NBAS: variants seen among roughly 807,000 people sequenced by gnomAD.
The protein encoded by NBAS is NAG/BC035112 fusion.
In NBAS, 219 loss-of-function variants were observed where a neutral mutation model predicts 302.5. The ratio of observed to expected loss-of-function variants is 0.72; its 90% confidence interval spans 0.65 to 0.81. NBAS has a LOEUF of 0.81. NBAS is among the 30% of genes least tolerant of loss of function. The pLI is 0.00. For missense variants in NBAS, 2,932 were observed against 2,841.6 expected (o/e 1.03, Z -0.72); for synonymous variants, 1,118 against 1,021.6 (o/e 1.09, Z -1.80).
chr2:15,057,416 T>C, the NBAS span, among the ~76,000 whole-genome samples: 1 of 151,764 alleles, frequency 6.6e-6, no homozygotes, highest in Non-Finnish European at 1.5e-5. Context: ...GTTCCAAGTT[T>C]ATTCTAGGCA....
intron 6 of NBAS, among the ~76,000 whole-genome samples, chr2:15,541,363 G>A (rs562894014): frequency 6.6e-6 from 1 of 152,208 alleles, no homozygotes; most frequent in South Asian, 2.1e-4. Context: ...AACAGGGCAA[G>A]GTAATGGTAA....
Position 15,507,652 on chromosome 2 carries a change from T to C in NBAS, c.886-3439A>G, listed in dbSNP as rs150079076. ...CTTCTGACTCCACAGCCTGGGTCCT[T>C]CCTTTGTCCCAGCTACTGAATTCTA... On this transcript the variant is annotated intron_variant, in intron 10 of 51. Transcript: ENST00000281513. Among the ~76,000 whole-genome samples the C allele has an allele frequency of 6.7e-3, 1,021 of 152,292 alleles. 8 individuals are homozygous for C. Among genetic ancestry groups the C allele is most frequent in the African/African-American group, 0.022 (902 of 41,568 alleles).
intron 25 of NBAS, among the ~76,000 whole-genome samples, chr2:15,413,452 A>G (rs1676778211): frequency 6.6e-6 from 1 of 152,226 alleles, no homozygotes. Context: ...GTACAAAGAC[A>G]GAGAAGTCAC....
At chr2:15,322,973 C>T (rs1466468112) in intron 38 of NBAS, among the ~76,000 whole-genome samples, 1 of 152,106 alleles carries the variant, frequency 6.6e-6, no homozygotes, top group Non-Finnish European at 1.5e-5. Flanking sequence ...TATATTAATA[C>T]ATTTTTTAAT....
intron 42 of NBAS, among the ~76,000 whole-genome samples, chr2:15,282,835 T>C (rs1283045461): frequency 6.6e-6 from 1 of 152,216 alleles, no homozygotes; most frequent in Admixed American, 6.5e-5. Flanking sequence ...CCAGCCACAA[T>C]GGTCTTCCTT....
the NBAS span, among the ~76,000 whole-genome samples, chr2:14,802,683 T>C: frequency 2.0e-5 from 3 of 149,984 alleles, no homozygotes; most frequent in South Asian, 6.4e-4. Context: ...ATGTGGCACA[T>C]ATATACCATG....
At chr2:15,526,619 A>G (rs1355446828) in intron 9 of NBAS, among the ~76,000 whole-genome samples, 1 of 152,186 alleles carries the variant, frequency 6.6e-6, no homozygotes, top group Non-Finnish European at 1.5e-5. Flanking sequence ...TTTGTCATGC[A>G]CAACAGGCCA....
chr2:15,467,730 G>T lies in NBAS; in HGVS notation c.1952C>A (p.Ala651Asp). 1 of 1,608,684 alleles carries T rather than the reference G, an allele frequency of 6.2e-7. No homozygotes were observed. Among genetic ancestry groups the T allele is most frequent in the Non-Finnish European group, 8.5e-7 (1 of 1,175,536 alleles). Residue 651 changes from alanine (A) to aspartate (D), a missense_variant, in exon 18 of 52, where the codon GCC (alanine) becomes GAC (aspartate). Ala to Asp is a moderately radical substitution (Grantham distance 126, BLOSUM62 -2). Transcript: ENST00000281513. Reference sequence around the variant, plus strand: ...GAGCTCCTTTTCCTTTTTATTCTTGGCAGGCTCTTCATCAGGTGGTGAAAG... The same window carrying T: ...GAGCTCCTTTTCCTTTTTATTCTTGTCAGGCTCTTCATCAGGTGGTGAAAG... ...EELSPPDEEPAKNKKEKELKK... is the reference protein window; with the variant it reads ...EELSPPDEEPDKNKKEKELKK...
chr2:15,141,604 G>A, the NBAS span, among the ~76,000 whole-genome samples: 1 of 152,208 alleles, frequency 6.6e-6, no homozygotes, highest in Non-Finnish European at 1.5e-5. Context: ...GGTTTATAAA[G>A]GCTAGACTCA....
chr2:15,399,966 C>A (rs1676068442), intron 26 of NBAS, among the ~76,000 whole-genome samples: 1 of 152,006 alleles, frequency 6.6e-6, no homozygotes, highest in African/African-American at 2.4e-5. Flanking sequence ...TAAAAGTGTG[C>A]AATTGTGGCA....
intron 21 of NBAS, 68 bp from the exon 22 acceptor site, chr2:15,427,862 A>T (rs1413318695): frequency 1.7e-6 from 2 of 1,196,324 alleles, no homozygotes; most frequent in Non-Finnish European, 1.2e-6. Context: ...CACAAGGAGT[A>T]AAATGCAAAC....
intron 6 of NBAS, among the ~76,000 whole-genome samples, chr2:15,546,365 G>C (rs1031541559): frequency 1.3e-5 from 2 of 152,112 alleles, no homozygotes; most frequent in African/African-American, 4.8e-5. Context: ...TCCCAAAAAA[G>C]GGCAAATGGT....
rs78394899 is a variant in NBAS, at chr2:15,285,530, C to T, written c.5138+1543G>A. Among the ~76,000 whole-genome samples the T allele has an allele frequency of 3.9e-5, 6 of 152,290 alleles. No individual in the cohort carries two copies. In the East Asian group the frequency reaches 5.8e-4, roughly 15 times the overall value. ...AACATCACTATTTCTCATCTATGTGCGTATGACTCCCAAGTTAGTATTTCC... is the reference window on the plus strand; with the variant it reads ...AACATCACTATTTCTCATCTATGTGTGTATGACTCCCAAGTTAGTATTTCC... On this transcript the variant is annotated intron_variant, in intron 42 of 51. Transcript: ENST00000281513.
the NBAS span, among the ~76,000 whole-genome samples, chr2:14,781,877 A>G: frequency 6.6e-6 from 1 of 152,130 alleles, no homozygotes; most frequent in Non-Finnish European, 1.5e-5. Context: ...CCCCCTAAAC[A>G]ACACCCATTC....
the NBAS span, among the ~76,000 whole-genome samples, chr2:15,068,266 T>G: frequency 9.2e-5 from 14 of 152,234 alleles, no homozygotes; most frequent in Non-Finnish European, 2.1e-4. Flanking sequence ...GTTGTGAGCG[T>G]TAATGAGTTT....
chr2:15,339,432 C>T (rs1386874216), intron 35 of NBAS, among the ~76,000 whole-genome samples: 3 of 152,132 alleles, frequency 2.0e-5, no homozygotes, highest in Non-Finnish European at 2.9e-5. Context: ...TATTCCTCCC[C>T]ATTTCACAGC....
the NBAS span, among the ~76,000 whole-genome samples, chr2:15,059,198 T>C: frequency 6.6e-6 from 1 of 152,188 alleles, no homozygotes; most frequent in Non-Finnish European, 1.5e-5. Flanking sequence ...ACAGAGACAA[T>C]TTGTAAACTC....
intron 48 of NBAS, among the ~76,000 whole-genome samples, chr2:15,216,297 G>T (rs1364857154): frequency 6.6e-6 from 1 of 152,118 alleles, no homozygotes; most frequent in Non-Finnish European, 1.5e-5. Context: ...AAGCAGAGAG[G>T]CGAGAAAACA....
chr2:15,111,397 T>C, the NBAS span, among the ~76,000 whole-genome samples: 3 of 152,140 alleles, frequency 2.0e-5, no homozygotes, highest in Non-Finnish European at 4.4e-5. Flanking sequence ...CAGTTCAAGA[T>C]CTGCATGCTA....
Sources: gnomAD v4.1 joint callset for allele counts (sites outside exome capture counted in the v4.1 genomes callset) on GRCh38, gnomAD v4.1.1 for gene constraint, MANE v1.5 for transcripts, NCBI Gene and HGNC (gene_info 2026-07-23, HGNC 2026-07-21) for gene names.